NGFR: variants seen among roughly 807,000 people sequenced by gnomAD.
NGFR encodes the protein nerve growth factor receptor.
A neutral mutation model predicts 43.2 loss-of-function variants in NGFR; 30 were observed. The ratio of observed to expected loss-of-function variants is 0.69; its 90% CI spans 0.52 to 0.94. NGFR has a LOEUF of 0.94. NGFR is among the 40% of genes least tolerant of loss of function. NGFR has a pLI of 0.00. For synonymous variants in NGFR, 246 were observed against 259.6 expected, an observed-to-expected ratio of 0.95 and a Z score of 0.50; for missense variants, 529 against 602.5, an observed-to-expected ratio of 0.88 and a Z score of 1.28.
In NGFR at chr17:49,502,042, C is replaced by T. The variant is rs777594401; in HGVS notation, c.67-21C>T. 5.6e-6 allele frequency: 8 copies of T among 1,440,886 alleles called. No individual in the cohort carries two copies. The Admixed American group carries it at 1.1e-4, about 21-fold the overall frequency. 89.3% of individuals were successfully genotyped at this position (1,440,886 alleles called of 1,614,324 possible). A position where few individuals can be genotyped will look rare whatever the true frequency, so the allele number is the denominator to read the frequency against. ...CCAGCTTTCTCTTGCCAGTCTGACC[C>T]TCCGATCTCCCTCCATCCAGGTGTC... On this transcript the variant is annotated intron_variant, in intron 1 of 5. Coordinates refer to ENST00000172229, the MANE Select transcript of NGFR (RefSeq NM_002507.4).
In NGFR at chr17:49,506,525, G is replaced by T. The variant is rs745609643; in HGVS notation, c.435G>T (p.Val145=). 4 of 1,611,868 alleles carry T rather than the reference G, an allele frequency of 2.5e-6. No homozygotes were observed. The South Asian group carries it at 4.4e-5, about 18-fold the overall frequency. Residue 145 remains valine (V), a synonymous_variant, in exon 3 of 6, where the codon GTG becomes GTT. Transcript: ENST00000172229. ...CCTGCCAGGACAAGCAGAACACCGT[G>T]TGCGAGGAGTGCCCCGACGGCACGT... ...VFSCQDKQNT[V]CEECPDGTYS... is the part of the protein sequence containing the mutation.
At position 49,513,575 on chromosome 17, in the gene NGFR, A is replaced by C. The variant is rs1597865753; in HGVS notation, c.*566A>C. 6.6e-6 allele frequency: 1 copy of C among 151,854 alleles called. No individual in the cohort carries two copies. Among genetic ancestry groups the C allele is most frequent in the Non-Finnish European group, 1.5e-5 (1 of 68,346 alleles). 9.4% of individuals were successfully genotyped at this position (151,854 alleles called of 1,614,324 possible). ...GGGAGGGGTTTTCGAAGCTCAGCCC[A>C]CCCCCCTCATTTTGGATATAGGTCA... is the stretch of plus-strand genomic sequence containing the variant. On this transcript the variant is annotated 3_prime_UTR_variant, in exon 6 of 6. Coordinates refer to ENST00000172229, the MANE Select transcript of NGFR (RefSeq NM_002507.4).
At chr17:49,497,243 G>A (rs2071144009) in intron 1 of NGFR, 1 of 152,334 alleles carries the variant, frequency 6.6e-6, no homozygotes, top group South Asian at 2.1e-4. Context: ...ATTCTGTCCG[G>A]GTGCGGGCCC....
rs550271337 is a variant in NGFR, at chr17:49,514,349, T to C, written c.*1340T>C. The C allele has an allele frequency of 7.1e-4, 108 of 153,056 alleles. No homozygotes were observed. Among genetic ancestry groups the C allele is most frequent in the Non-Finnish European group, 1.2e-3 (84 of 68,544 alleles). The allele number at this position is 153,056 out of a possible 1,614,324, so 9.5% of individuals were successfully genotyped here. A position where few individuals can be genotyped will look rare whatever the true frequency, so the allele number is the denominator to read the frequency against. On this transcript the variant is annotated 3_prime_UTR_variant, in exon 6 of 6. Transcript: ENST00000172229. Reference sequence around the variant, plus strand: ...GTTGTGATGAAGAAAAGTGGGCCAGTGTGGGAATGCGGCAAGAAGGAATTG... The same window carrying C: ...GTTGTGATGAAGAAAAGTGGGCCAGCGTGGGAATGCGGCAAGAAGGAATTG...
rs762650128 is a variant in NGFR, at chr17:49,506,316, G to C, written c.226G>C (p.Val76Leu). The change falls in exon 3 of 6, where the codon GTG becomes CTG. Residue 76 changes from valine (V) to leucine (L), a missense_variant. Val to Leu is a conservative substitution (Grantham distance 32). Transcript: ENST00000172229. ...GCGCTCAGGCGTGACGTTCTCCGACGTGGTGAGCGCGACCGAGCCGTGCAA... is the reference window on the plus strand; with the variant it reads ...GCGCTCAGGCGTGACGTTCTCCGACCTGGTGAGCGCGACCGAGCCGTGCAA... The part of the protein sequence containing the change: ...PCLDSVTFSD[V>L]VSATEPCKPC... 2 of 1,567,840 alleles carry C rather than the reference G, an allele frequency of 1.3e-6. No homozygotes were observed. The highest frequency in any genetic ancestry group is 1.7e-6 in the Non-Finnish European group (2 of 1,158,174).
intron 1 of NGFR, 64 bp from the exon 2 acceptor site, chr17:49,501,999 A>AGGCCCCCCCC: frequency 6.0e-6 from 2 of 330,984 alleles, no homozygotes; most frequent in Non-Finnish European, 1.2e-5. Context: ...TCCCCGGAAG[A>AGGCCCCCCCC]ACCCCCCCCA....
Position 49,506,548 on chromosome 17 carries a change from C to T in NGFR, c.458C>T (p.Thr153Met), listed in dbSNP as rs763989044. The T allele has an allele frequency of 6.2e-7, 1 of 1,611,452 alleles. No homozygotes were observed. The highest frequency in any genetic ancestry group is 8.5e-7 in the Non-Finnish European group (1 of 1,179,568). ...GTGTGCGAGGAGTGCCCCGACGGCACGTATTCCGACGAGGCCAACCACGTG... is the reference window on the plus strand; with the variant it reads ...GTGTGCGAGGAGTGCCCCGACGGCATGTATTCCGACGAGGCCAACCACGTG... ...NTVCEECPDG[T>M]YSDEANHVDP... The change falls in exon 3 of 6, where the codon ACG becomes ATG. Residue 153 changes from threonine (T) to methionine (M), a missense_variant. Thr to Met is a moderately conservative substitution (Grantham distance 81, BLOSUM62 -1). Transcript: ENST00000172229.
intron 4 of NGFR, 100 bp downstream of exon 4, chr17:49,510,764 A>C: frequency 2.1e-5 from 30 of 1,457,970 alleles, no homozygotes; most frequent in Non-Finnish European, 2.8e-5. Flanking sequence ...CTTTTAACTC[A>C]ACCCCAAACC....
In NGFR at chr17:49,512,921, A is replaced by G. The variant is rs756735300; in HGVS notation, c.1196A>G (p.Asp399Gly). The G allele has an allele frequency of 3.5e-5, 56 of 1,611,998 alleles. No homozygotes were observed. The East Asian group carries it at 1.2e-3, about 35-fold the overall frequency. ...GCCACCCAGGACAGCGCCACACTGG[A>G]CGCCCTCCTGGCCGCCCTGCGCCGC... ...SWATQDSATL[D>G]ALLAALRRIQ... Residue 399 changes from aspartate (D) to glycine (G), a missense_variant, in exon 6 of 6, where the codon GAC becomes GGC. By Grantham distance (94) the Asp-to-Gly change is moderately conservative. Transcript: ENST00000172229. The surrounding 1 kb of genome is among the most constrained non-coding windows in gnomAD (Gnocchi z 5.2).
chr17:49,510,203 C>G (rs553407841), intron 3 of NGFR, among the ~76,000 whole-genome samples: 2 of 152,174 alleles, frequency 1.3e-5, no homozygotes, highest in African/African-American at 4.8e-5. Context: ...AAGTCAGTGG[C>G]GAAGCTGAAG....
rs2071240895 is a variant in NGFR at position 49,512,633 on chromosome 17, G to C, written c.983-75G>C. The C allele has an allele frequency of 6.7e-7, 1 of 1,495,446 alleles. No individual in the cohort carries two copies. Among genetic ancestry groups the C allele is most frequent in the Non-Finnish European group, 9.0e-7 (1 of 1,114,316 alleles). The allele number at this position is 1,495,446 out of a possible 1,614,324, so 92.6% of individuals were successfully genotyped here. A position where few individuals can be genotyped will look rare whatever the true frequency, so the allele number is the denominator to read the frequency against. On this transcript the variant is annotated intron_variant, in intron 5 of 5. Transcript: ENST00000172229. This position sits in a 1 kb window ranked among gnomAD's most constrained non-coding sequence, Gnocchi z 5.2. ...AGGAGCACTGCCTCGGCCCTTCTTG[G>C]GTCTCACCCCAGTGCCCACTGTTGG...
intron 2 of NGFR, among the ~76,000 whole-genome samples, chr17:49,504,474 A>G (rs978217360): frequency 1.3e-5 from 2 of 152,236 alleles, no homozygotes; most frequent in African/African-American, 4.8e-5. Context: ...TAGGATCCCA[A>G]CTACGTGCCA....
intron 1 of NGFR, 63 bp from the exon 2 acceptor site, chr17:49,502,000 A>ACGGGGCCC: frequency 3.8e-6 from 1 of 264,886 alleles, no homozygotes; most frequent in Non-Finnish European, 7.9e-6. Flanking sequence ...CCCCGGAAGA[A>ACGGGGCCC]CCCCCCCCAA....
At chr17:49,510,849 C>G (rs753540157) in intron 4 of NGFR, 185 bp downstream of exon 4, 16 of 691,468 alleles carry the variant, frequency 2.3e-5, no homozygotes, top group Non-Finnish European at 4.9e-6. Flanking sequence ...GGGAGAGGAT[C>G]CACCTGTCCT....
At chr17:49,498,153 G>A (rs1288909904) in intron 1 of NGFR, among the ~76,000 whole-genome samples, 2 of 152,122 alleles carry the variant, frequency 1.3e-5, no homozygotes, top group African/African-American at 2.4e-5. Flanking sequence ...AACCCAGGAT[G>A]CTTGGCCTGG....
chr17:49,504,210 C>T (rs925296197), intron 2 of NGFR, among the ~76,000 whole-genome samples: 1 of 152,226 alleles, frequency 6.6e-6, no homozygotes, highest in Non-Finnish European at 1.5e-5. Context: ...TTTCACACCA[C>T]CTAAAACCCT....
At position 49,506,571 on chromosome 17, in the gene NGFR, G is replaced by A. The variant is rs758613187; in HGVS notation, c.481G>A (p.Val161Met). The A allele has an allele frequency of 3.2e-5, 51 of 1,611,248 alleles. No individual in the cohort carries two copies. Among genetic ancestry groups the A allele is most frequent in the Non-Finnish European group, 4.2e-5 (50 of 1,179,504 alleles). Residue 161 changes from valine (V) to methionine (M), a missense_variant, in exon 3 of 6, where the codon GTG (valine) becomes ATG (methionine). By Grantham distance (21) the Val-to-Met change is conservative. Transcript: ENST00000172229. Reference sequence around the variant, plus strand: ...CACGTATTCCGACGAGGCCAACCACGTGGACCCGTGCCTGCCCTGCACCGT... The same window carrying A: ...CACGTATTCCGACGAGGCCAACCACATGGACCCGTGCCTGCCCTGCACCGT... ...DGTYSDEANH[V>M]DPCLPCTVCE...
At position 49,513,318 on chromosome 17, in the gene NGFR, C is replaced by A; in HGVS notation, c.*309C>A. The A allele has an allele frequency of 2.4e-6, 1 of 410,420 alleles. No homozygotes were observed. The highest frequency in any genetic ancestry group is 4.4e-6 in the Non-Finnish European group (1 of 227,944). The allele number at this position is 410,420 out of a possible 1,614,324, so 25.4% of individuals were successfully genotyped here. A position where few individuals can be genotyped will look rare whatever the true frequency, so the allele number is the denominator to read the frequency against. On this transcript the variant is annotated 3_prime_UTR_variant, in exon 6 of 6. Transcript: ENST00000172229. ...CTCCCACACTGCTAGGTGGGCCAGC[C>A]CCTCCCACCACAGCAGGTGTCATAT... is the stretch of plus-strand genomic sequence containing the variant.
At chr17:49,498,315 GC>G (rs1291396181) in intron 1 of NGFR, among the ~76,000 whole-genome samples, 2 of 152,180 alleles carry the variant, frequency 1.3e-5, no homozygotes, top group Non-Finnish European at 1.5e-5. Flanking sequence ...CAGAGGCCCT[GC>G]CCCCTCTCAA....
Sources: allele counts gnomAD v4.1 joint callset (sites outside exome capture counted in the v4.1 genomes callset), GRCh38; gene constraint gnomAD v4.1.1; non-coding constraint Gnocchi (gnomAD v3.1); transcripts MANE v1.5; gene names NCBI Gene and HGNC (gene_info 2026-07-23, HGNC 2026-07-21).